The following SCN4A variants were observed in gnomAD, a reference collection of about 807,000 sequenced individuals.
SCN4A encodes sodium voltage-gated channel alpha subunit 4, also known as sodium channel protein type 4 subunit alpha.
Under a neutral mutation model 162.0 loss-of-function variants are expected in SCN4A, and 83 were observed. That is an observed-to-expected ratio of 0.51 (90% confidence interval 0.43 to 0.61). The LOEUF is 0.61. Among genes scored for constraint, SCN4A ranks in the 20% least tolerant of loss-of-function variants. SCN4A has a pLI of 0.00. For missense variants in SCN4A, 2,196 were observed against 2,462.5 expected (o/e 0.89, Z 2.29); for synonymous variants, 944 against 985.1 (o/e 0.96, Z 0.78).
rs1297436269 is a variant in SCN4A, at chr17:63,944,245, TTCTCCTGCCTCAGCC to T, written c.3913-410_3913-396del. On this transcript the variant is annotated intron_variant, in intron 21 of 23. Transcript: ENST00000435607. The surrounding 1 kb of genome is among the most constrained non-coding windows in gnomAD (Gnocchi z 4.3). The stretch of plus-strand genomic sequence containing the variant: ...ACCTCCATCTCCTGGGTTTAAGCGA[TTCTCCTGCCTCAGCC>T]TCCTGAGTAGCTGGGATTACAGATG... 7.9e-5 allele frequency among the ~76,000 whole-genome samples: 12 copies of T among 152,270 alleles called. No individual in the cohort carries two copies. Among genetic ancestry groups the T allele is most frequent in the Non-Finnish European group, 1.6e-4 (11 of 68,016 alleles).
In SCN4A at chr17:63,959,441, AG is replaced by A; in HGVS notation, c.1846-4del. The A allele has an allele frequency of 1.9e-6, 3 of 1,612,678 alleles. No individual in the cohort carries two copies. Among genetic ancestry groups the A allele is most frequent in the Non-Finnish European group, 2.5e-6 (3 of 1,179,312 alleles). Reference sequence around the variant, plus strand: ...GCTGTGAAGATGCCTGTGAAGACCTAGGGGGTGGCATGAGGCCCTGTCACAG... The same window carrying A: ...GCTGTGAAGATGCCTGTGAAGACCTAGGGGTGGCATGAGGCCCTGTCACAG... On this transcript the variant is annotated splice_polypyrimidine_tract_variant and splice_region_variant and intron_variant, in intron 11 of 23. Transcript: ENST00000435607.
rs370923709 is a variant in SCN4A at position 63,941,720 on chromosome 17, G to T, written c.4562C>A (p.Thr1521Asn). 7 of 1,614,016 alleles carry T rather than the reference G, an allele frequency of 4.3e-6. No homozygotes were observed. Among genetic ancestry groups the T allele is most frequent in the African/African-American group, 1.3e-5 (1 of 74,894 alleles). Reference sequence around the variant, plus strand: ...CAGGCAGATGATGCTGTTGCCGAAGGTCTCGAAGTTGAACATATCATCGAT... The same window carrying T: ...CAGGCAGATGATGCTGTTGCCGAAGTTCTCGAAGTTGAACATATCATCGAT... ...SGIDDMFNFE[T>N]FGNSIICLFE... The change falls in exon 24 of 24, where the codon ACC (threonine) becomes AAC (asparagine). Residue 1521 changes from threonine (T) to asparagine (N), a missense_variant. Physicochemically the swap from Thr to Asn is moderately conservative, Grantham distance 65 (BLOSUM62 0). Transcript: ENST00000435607. This position sits in a 1 kb window ranked among gnomAD's most constrained non-coding sequence, Gnocchi z 6.2.
At chr17:63,967,933 C>CAA (rs11418006) in intron 6 of SCN4A, 90 bp downstream of exon 6, 33,668 of 885,306 alleles carry the variant, frequency 0.038, 5 homozygotes, top group South Asian at 0.048. Flanking sequence ...GACTCCATCT[C>CAA]AAAAAAAAAA....
intron 14 of SCN4A, 176 bp from the exon 15 acceptor site, chr17:63,949,704 T>C: frequency 1.4e-6 from 1 of 689,850 alleles, no homozygotes; most frequent in Non-Finnish European, 2.3e-6. Context: ...GGGACGTAGG[T>C]GGCCCTGGTC....
At position 63,941,108 on chromosome 17, in the gene SCN4A, T is replaced by A; in HGVS notation, c.5174A>T (p.Lys1725Met). ...CTTGATGGCGCACACCTCCTCGTGC[T>A]TCCTCTTGAGGGTGGTGGTGATGGG... is the stretch of plus-strand genomic sequence containing the variant. ...YEPITTTLKR[K>M]HEEVCAIKIQ... The change falls in exon 24 of 24, where the codon AAG becomes ATG. Residue 1725 changes from lysine (K) to methionine (M), a missense_variant. Transcript: ENST00000435607. The surrounding 1 kb of genome is among the most constrained non-coding windows in gnomAD (Gnocchi z 6.2). 2 of 1,613,950 alleles carry A rather than the reference T, an allele frequency of 1.2e-6. No individual in the cohort carries two copies. The highest frequency in any genetic ancestry group is 8.5e-7 in the Non-Finnish European group (1 of 1,179,862).
In SCN4A at chr17:63,961,363, T is replaced by C. The variant is rs1047705; in HGVS notation, c.1675A>G (p.Asn559Asp). ...YKCAHKVLIW[N>D]CCAPWLKFKN... ...AACTTCAGCCACGGGGCGCAGCAGTTCCATATGAGCACTTTGTGGGCGCAC... is the reference window on the plus strand; with the variant it reads ...AACTTCAGCCACGGGGCGCAGCAGTCCCATATGAGCACTTTGTGGGCGCAC... The change falls in exon 11 of 24, where the codon AAC becomes GAC. Residue 559 changes from asparagine to aspartate, a missense_variant. Asn to Asp is a conservative substitution (Grantham distance 23). Transcript: ENST00000435607. 1 of 1,613,676 alleles carries C rather than the reference T, an allele frequency of 6.2e-7. No homozygotes were observed. The highest frequency in any genetic ancestry group is 8.5e-7 in the Non-Finnish European group (1 of 1,179,804).
intron 12 of SCN4A, among the ~76,000 whole-genome samples, chr17:63,958,734 G>A (rs759195688): frequency 2.0e-5 from 3 of 152,178 alleles, no homozygotes; most frequent in Non-Finnish European, 2.9e-5. Flanking sequence ...TGTGTTTTTC[G>A]TAGAGACGGA....
intron 5 of SCN4A, among the ~76,000 whole-genome samples, chr17:63,969,225 G>A (rs1045103885): frequency 3.3e-5 from 5 of 152,162 alleles, no homozygotes; most frequent in African/African-American, 4.8e-5. Context: ...AGTAGCACCC[G>A]AGGAACAGCA....
intron 18 of SCN4A, among the ~76,000 whole-genome samples, chr17:63,946,029 A>G (rs1949880046): frequency 6.6e-6 from 1 of 152,156 alleles, no homozygotes; most frequent in South Asian, 2.1e-4. Context: ...AGACACAGGC[A>G]CAGAAAAGAG....
chr17:63,960,080 T>C (rs1473748328), intron 11 of SCN4A, among the ~76,000 whole-genome samples: 1 of 152,194 alleles, frequency 6.6e-6, no homozygotes, highest in Admixed American at 6.5e-5. Flanking sequence ...ACCCTGGACA[T>C]GGGATCTGAG....
Position 63,951,684 on chromosome 17 carries a change from C to A in SCN4A, c.2593G>T (p.Gly865Trp). 6.2e-7 allele frequency: 1 copy of A among 1,603,250 alleles called. No individual in the cohort carries two copies. The highest frequency in any genetic ancestry group is 8.5e-7 in the Non-Finnish European group (1 of 1,174,642). Residue 865 changes from glycine (G) to tryptophan (W), a missense_variant, in exon 14 of 24, where the codon GGG becomes TGG. Physicochemically the swap from Gly to Trp is radical, Grantham distance 184. Coordinates refer to ENST00000435607, the MANE Select transcript of SCN4A (RefSeq NM_000334.4). The surrounding 1 kb of genome is among the most constrained non-coding windows in gnomAD (Gnocchi z 4.5). ...GTCTCCCCCGCCTCTCCAGCCTCCC[C>A]GGCCCCGTCAGCCTCCCCGAGGCTG... ...MLSLGEADGAGEAGEAGETAP... is the reference protein window; with the variant it reads ...MLSLGEADGAWEAGEAGETAP...
chr17:63,965,729 C>T (rs192214158), intron 8 of SCN4A, among the ~76,000 whole-genome samples: 11 of 152,276 alleles, frequency 7.2e-5, no homozygotes, highest in Admixed American at 3.9e-4. Context: ...CCTCGTGATC[C>T]GCCCACCTCT....
rs1661529554 is a variant in SCN4A at position 63,959,441 on chromosome 17, A to AG, written c.1846-4dup. 1 of 1,612,560 alleles carries AG rather than the reference A, an allele frequency of 6.2e-7. No individual in the cohort carries two copies. Among genetic ancestry groups the AG allele is most frequent in the Admixed American group, 1.7e-5 (1 of 59,810 alleles). On this transcript the variant is annotated splice_polypyrimidine_tract_variant and splice_region_variant and intron_variant, in intron 11 of 23. Transcript: ENST00000435607. Reference sequence around the variant, plus strand: ...GCTGTGAAGATGCCTGTGAAGACCTAGGGGGTGGCATGAGGCCCTGTCACA... The same window carrying AG: ...GCTGTGAAGATGCCTGTGAAGACCTAGGGGGGTGGCATGAGGCCCTGTCACA...
chr17:63,946,924 G>A (rs1244975848), intron 18 of SCN4A, 121 bp downstream of exon 18: 2 of 998,668 alleles, frequency 2.0e-6, no homozygotes, highest in Admixed American at 2.3e-5. Context: ...CAGGGCCGTG[G>A]GTCCAAGCTC....
At chr17:63,968,472 G>A (rs1909524227) in intron 5 of SCN4A, 117 bp from the exon 6 acceptor site, 2 of 749,480 alleles carry the variant, frequency 2.7e-6, no homozygotes, top group South Asian at 3.7e-5. Context: ...GACTTACTGA[G>A]CACCACTACT....
At position 63,941,808 on chromosome 17, in the gene SCN4A, C is replaced by T; in HGVS notation, c.4474G>A (p.Val1492Ile). 6.2e-7 allele frequency: 1 copy of T among 1,614,152 alleles called. No individual in the cohort carries two copies. The highest frequency in any genetic ancestry group is 8.5e-7 in the Non-Finnish European group (1 of 1,180,024). The change falls in exon 24 of 24, where the codon GTC (valine) becomes ATC (isoleucine). Residue 1492 changes from valine (V) to isoleucine (I), a missense_variant. Physicochemically the swap from Val to Ile is conservative, Grantham distance 29. Coordinates refer to ENST00000435607, the MANE Select transcript of SCN4A (RefSeq NM_000334.4). The surrounding 1 kb of genome is among the most constrained non-coding windows in gnomAD (Gnocchi z 6.2). ...CCGAAGATGGAGTAGATGAACATGA[C>T]CAGGAAGAGGAGGAGGCCGATGTTG... ...LFNIGLLLFLVMFIYSIFGMS... is the reference protein window; with the variant it reads ...LFNIGLLLFLIMFIYSIFGMS...
At chr17:63,970,945 C>T (rs980309558) in intron 5 of SCN4A, among the ~76,000 whole-genome samples, 12 of 152,206 alleles carry the variant, frequency 7.9e-5, no homozygotes, top group African/African-American at 2.9e-4. Context: ...AGTCTGTGCT[C>T]TTAACCAACT....
chr17:63,948,129 G>C, intron 16 of SCN4A, 66 bp from the exon 17 acceptor site: 1 of 1,374,304 alleles, frequency 7.3e-7, no homozygotes, highest in Non-Finnish European at 1.0e-6. Context: ...CAGGTCCCCT[G>C]CCCTGCTCTA....
rs374835121 is a variant in SCN4A, at chr17:63,966,517, T to C, written c.1064A>G (p.Asn355Ser). ...GCTGTTCCCACAGAGCAGGGCATCGTTGGAGCCCTCCAGGAAGTAGAAGTT... is the reference window on the plus strand; with the variant it reads ...GCTGTTCCCACAGAGCAGGGCATCGCTGGAGCCCTCCAGGAAGTAGAAGTT... ...EGNFYFLEGS[N>S]DALLCGNSSD... is the part of the protein sequence containing the mutation. The change falls in exon 7 of 24, where the codon AAC becomes AGC. Residue 355 changes from asparagine to serine, a missense_variant. Asn to Ser is a conservative substitution (Grantham distance 46, BLOSUM62 1). Transcript: ENST00000435607. 1.5e-5 allele frequency: 24 copies of C among 1,613,780 alleles called. No homozygotes were observed. In the Admixed American group the frequency reaches 3.5e-4, roughly 24 times the overall value.
Sources: allele counts gnomAD v4.1 joint callset (sites outside exome capture counted in the v4.1 genomes callset), GRCh38; gene constraint gnomAD v4.1.1; non-coding constraint Gnocchi (gnomAD v3.1); transcripts MANE v1.5; gene names NCBI Gene and HGNC (gene_info 2026-07-23, HGNC 2026-07-21).